The following PHGR1 variants were observed in gnomAD, a reference collection of about 807,000 sequenced individuals.
PHGR1 encodes the protein proline, histidine and glycine rich 1.
Under a neutral mutation model 4.9 loss-of-function variants are expected in PHGR1, and 3 were observed. That is an observed-to-expected ratio of 0.61 (90% CI 0.28 to 1.58). PHGR1 has a LOEUF of 1.58. Ranked by LOEUF, PHGR1 falls within the 40% of genes most tolerant of loss-of-function variation. PHGR1 has a pLI of 0.11. For missense variants in PHGR1, 81 were observed against 118.7 expected (o/e 0.68, Z 1.48); for synonymous variants, 32 against 46.1 (o/e 0.69, Z 1.24).
chr15:40,352,169 C>T (rs1032079578), intron 1 of PHGR1, among the ~76,000 whole-genome samples: 5 of 152,148 alleles, frequency 3.3e-5, no homozygotes, highest in Non-Finnish European at 7.3e-5. Context: ...CGCCACTGCA[C>T]TCCAGCCTGT....
chr15:40,351,743 AT>A lies in PHGR1; in HGVS notation c.-27+692del, dbSNP rs35226087. On this transcript the variant is annotated intron_variant, in intron 1 of 3. Coordinates refer to ENST00000448599, the MANE Select transcript of PHGR1 (RefSeq NM_001145643.2). ...AGTGAGACCTTGTCTCTACAAAACAATTTTTTTTTTTGAGACAGAGTCTTAC... is the reference window on the plus strand; with the variant it reads ...AGTGAGACCTTGTCTCTACAAAACAATTTTTTTTTTGAGACAGAGTCTTAC... 1.2e-3 allele frequency among the ~76,000 whole-genome samples: 185 copies of A among 148,200 alleles called. 2 individuals are homozygous for A. The highest frequency in any genetic ancestry group is 0.012 in the South Asian group (57 of 4,664).
In PHGR1 at chr15:40,356,214, T is replaced by C. The variant is rs1259817127; in HGVS notation, c.160T>C (p.Cys54Arg). The C allele has an allele frequency of 7.4e-7, 1 of 1,348,402 alleles. No homozygotes were observed. The highest frequency in any genetic ancestry group is 9.7e-7 in the Non-Finnish European group (1 of 1,031,938). 83.5% of individuals were successfully genotyped at this position (1,348,402 alleles called of 1,614,324 possible). Residue 54 changes from cysteine to arginine, a missense_variant, in exon 4 of 4, where the codon TGC becomes CGC. Physicochemically the swap from Cys to Arg is radical, Grantham distance 180. Transcript: ENST00000448599. ...ACCCCCTGGCCATGGCCCAGGGCCC[T>C]GCGGGCCACCCCCCCACCATGGTCC... is the stretch of plus-strand genomic sequence containing the variant. ...GPPPGHGPGP[C>R]GPPPHHGPGP...
At chr15:40,352,068 T>C (rs1889213557) in intron 1 of PHGR1, among the ~76,000 whole-genome samples, 1 of 152,172 alleles carries the variant, frequency 6.6e-6, no homozygotes. Flanking sequence ...CTGGGTGTGG[T>C]GGCACATACC....
chr15:40,352,235 G>GA (rs1346270877), intron 1 of PHGR1, among the ~76,000 whole-genome samples: 2 of 151,828 alleles, frequency 1.3e-5, no homozygotes, highest in Non-Finnish European at 2.9e-5. Context: ...AGGCTCCCTA[G>GA]AAAAAAAAGA....
chr15:40,354,776 C>T (rs573125219), intron 3 of PHGR1, among the ~76,000 whole-genome samples: 7 of 152,198 alleles, frequency 4.6e-5, no homozygotes, highest in Admixed American at 2.6e-4. Flanking sequence ...AAGGAGACTG[C>T]GTCTCCTCCA....
Position 40,356,323 on chromosome 15 carries a change from A to T in PHGR1, c.*20A>T, listed in dbSNP as rs1889301404. The T allele has an allele frequency of 1.3e-6, 2 of 1,549,640 alleles. No homozygotes were observed. Among genetic ancestry groups the T allele is most frequent in the African/African-American group, 2.7e-5 (2 of 72,974 alleles). On this transcript the variant is annotated 3_prime_UTR_variant, in exon 4 of 4. Transcript: ENST00000448599. Reference sequence around the variant, plus strand: ...CACTGAGGAAGTAGAAGAAAACAGGACACAAGATGGCAAGCCTGAGAGAAT... The same window carrying T: ...CACTGAGGAAGTAGAAGAAAACAGGTCACAAGATGGCAAGCCTGAGAGAAT...
chr15:40,356,016 T>C, intron 3 of PHGR1, 57 bp from the exon 4 acceptor site: 1 of 1,504,012 alleles, frequency 6.6e-7, no homozygotes, highest in Non-Finnish European at 9.0e-7. Context: ...AGAGCTGATC[T>C]CAGGTAAGCT....
At chr15:40,354,444 C>A (rs376952660) in intron 3 of PHGR1, 92 bp downstream of exon 3, 80 of 1,385,544 alleles carry the variant, frequency 5.8e-5, no homozygotes, top group Non-Finnish European at 6.9e-5. Flanking sequence ...CAGGGAGCAG[C>A]CACCACTTCC....
chr15:40,356,227 C>A lies in PHGR1; in HGVS notation c.173C>A (p.Pro58His), dbSNP rs1889297444. The A allele has an allele frequency of 4.6e-6, 7 of 1,530,568 alleles. No homozygotes were observed. The highest frequency in any genetic ancestry group is 5.3e-6 in the Non-Finnish European group (6 of 1,134,264). 94.8% of individuals were successfully genotyped at this position (1,530,568 alleles called of 1,614,324 possible). ...GHGPGPCGPP[P>H]HHGPGPCGPP... ...GGCCCAGGGCCCTGCGGGCCACCCC[C>A]CCACCATGGTCCAGGGCCCTGCGGG... The change falls in exon 4 of 4, where the codon CCC becomes CAC. Residue 58 changes from proline to histidine, a missense_variant. By Grantham distance (77) the Pro-to-His change is moderately conservative. Transcript: ENST00000448599.
In PHGR1 at chr15:40,356,123, A is replaced by T. The variant is rs1472558444; in HGVS notation, c.69A>T (p.Pro23=). The part of the protein sequence containing the change: ...GHGHPPGHCG[P]PPGHGPGPCG... ...GCCATCCTCCAGGTCACTGCGGGCC[A>T]CCCCCTGGCCATGGCCCAGGGCCCT... The change falls in exon 4 of 4, where the codon CCA becomes CCT. Residue 23 remains proline (P), a synonymous_variant. Transcript: ENST00000448599. The T allele has an allele frequency of 6.5e-7, 1 of 1,545,868 alleles. No homozygotes were observed. The highest frequency in any genetic ancestry group is 8.7e-7 in the Non-Finnish European group (1 of 1,145,618).
intron 1 of PHGR1, among the ~76,000 whole-genome samples, chr15:40,352,418 A>G (rs1202455109): frequency 6.6e-6 from 1 of 152,052 alleles, no homozygotes; most frequent in Non-Finnish European, 1.5e-5. Context: ...AATGTACTGT[A>G]TGTTCACTGG....
intron 2 of PHGR1, chr15:40,353,521 A>G: frequency 2.0e-6 from 1 of 503,234 alleles, no homozygotes; most frequent in Non-Finnish European, 3.6e-6. Context: ...CTCCCACCGC[A>G]CACTCAAGGC....
intron 2 of PHGR1, 37 bp from the exon 3 acceptor site, chr15:40,354,308 C>T (rs1248182774): frequency 6.7e-7 from 1 of 1,496,422 alleles, no homozygotes; most frequent in Non-Finnish European, 8.8e-7. Flanking sequence ...ACCAAATGAC[C>T]AAAGCTGCTT....
chr15:40,354,891 G>A (rs1487649689), intron 3 of PHGR1, among the ~76,000 whole-genome samples: 1 of 152,200 alleles, frequency 6.6e-6, no homozygotes, highest in African/African-American at 2.4e-5. Context: ...AGGTGGGGTG[G>A]GAAGTGGCTG....
rs892567295 is a variant in PHGR1 at position 40,353,153 on chromosome 15, G to A, written c.-26-79G>A. 3.4e-5 allele frequency: 44 copies of A among 1,306,118 alleles called. No homozygotes were observed. The East Asian group carries it at 4.1e-4, about 12-fold the overall frequency. 80.9% of individuals were successfully genotyped at this position (1,306,118 alleles called of 1,614,324 possible). Reference sequence around the variant, plus strand: ...TGTGTGTGTGTGTGTGTGTGCGCGCGCGCGCGCATCCGTGGGAGGGAGAAA... The same window carrying A: ...TGTGTGTGTGTGTGTGTGTGCGCGCACGCGCGCATCCGTGGGAGGGAGAAA... On this transcript the variant is annotated intron_variant, in intron 1 of 3. Transcript: ENST00000448599.
intron 1 of PHGR1, among the ~76,000 whole-genome samples, chr15:40,352,148 A>G (rs1410675271): frequency 6.6e-6 from 1 of 152,058 alleles, no homozygotes; most frequent in Non-Finnish European, 1.5e-5. Context: ...GGCTTCAGTG[A>G]GCTGTGATCA....
intron 3 of PHGR1, among the ~76,000 whole-genome samples, chr15:40,355,759 AAGG>A (rs1211860295): frequency 2.6e-5 from 4 of 152,230 alleles, no homozygotes; most frequent in Non-Finnish European, 5.9e-5. Context: ...GGGTGAGAGA[AAGG>A]AGAAGATGAA....
At chr15:40,351,411 T>C (rs1423465641) in intron 1 of PHGR1, among the ~76,000 whole-genome samples, 1 of 152,116 alleles carries the variant, frequency 6.6e-6, no homozygotes, top group Non-Finnish European at 1.5e-5. Flanking sequence ...ATTCTGAGGA[T>C]TGTCTTTTCT....
At position 40,356,399 on chromosome 15, in the gene PHGR1, A is replaced by C. The variant is rs1889303060; in HGVS notation, c.*96A>C. The C allele has an allele frequency of 1.3e-6, 2 of 1,534,006 alleles. No individual in the cohort carries two copies. Among genetic ancestry groups the C allele is most frequent in the Non-Finnish European group, 1.8e-6 (2 of 1,133,156 alleles). Reference sequence around the variant, plus strand: ...TAAACCACAATCTTCTCTTCCTAATAAACAGCCTCCTAGAGGCCACATTCT... The same window carrying C: ...TAAACCACAATCTTCTCTTCCTAATCAACAGCCTCCTAGAGGCCACATTCT... On this transcript the variant is annotated 3_prime_UTR_variant, in exon 4 of 4. Coordinates refer to ENST00000448599, the MANE Select transcript of PHGR1 (RefSeq NM_001145643.2).
Sources: allele counts gnomAD v4.1 joint callset (sites outside exome capture counted in the v4.1 genomes callset), GRCh38; gene constraint gnomAD v4.1.1; transcripts MANE v1.5; gene names NCBI Gene and HGNC (gene_info 2026-07-23, HGNC 2026-07-21).